Variants in PDE1C observed in about 807,000 individuals in gnomAD.
The protein encoded by PDE1C is dual specificity calcium/calmodulin-dependent 3',5'-cyclic nucleotide phosphodiesterase 1C.
In PDE1C, 62 loss-of-function variants were observed where a neutral mutation model predicts 93.1. That is an observed-to-expected ratio of 0.67 (90% CI 0.54 to 0.82). PDE1C has a LOEUF of 0.82. Ranked by LOEUF, PDE1C falls within the 40% of genes least tolerant of loss-of-function variation. PDE1C has a pLI of 0.00. For missense variants in PDE1C, 742 were observed against 884.6 expected, an observed-to-expected ratio of 0.84 and a Z score of 2.04; for synonymous variants, 325 against 310.1, an observed-to-expected ratio of 1.05 and a Z score of -0.50.
intron 7 of PDE1C, among the ~76,000 whole-genome samples, chr7:31,856,285 T>C (rs895644829): frequency 1.3e-5 from 2 of 152,306 alleles, no homozygotes; most frequent in East Asian, 3.9e-4. Flanking sequence ...AAGCTCACAA[T>C]GAAAGAAGTT....
chr7:31,680,090 A>T, the PDE1C span, among the ~76,000 whole-genome samples: 1 of 152,194 alleles, frequency 6.6e-6, no homozygotes, highest in Non-Finnish European at 1.5e-5. Context: ...CATGTGTCTC[A>T]TCTTTAGTAC....
intron 17 of PDE1C, among the ~76,000 whole-genome samples, chr7:31,767,813 G>C (rs535002389): frequency 1.2e-4 from 19 of 152,240 alleles, no homozygotes; most frequent in African/African-American, 4.6e-4. Context: ...CTGACTTCTT[G>C]TTGTGCCCTC....
exon 2 of PDE1C, chr7:32,209,496 G>A (rs750428626): frequency 1.3e-5 from 21 of 1,573,120 alleles, no homozygotes; most frequent in Non-Finnish European, 1.7e-5. Context: ...CACGAGAGAA[G>A]CGGGCCAGTG....
chr7:31,665,415 T>A, the PDE1C span, among the ~76,000 whole-genome samples: 1 of 152,224 alleles, frequency 6.6e-6, no homozygotes, highest in Non-Finnish European at 1.5e-5. Context: ...GTCAGCCTTA[T>A]GGAAGAGAAA....
chr7:31,855,069 T>TAA lies in PDE1C; in HGVS notation c.751-4330_751-4329dup, dbSNP rs70989615. On this transcript the variant is annotated intron_variant, in intron 7 of 17. Transcript: ENST00000396191. ...GTGACAGAGCGAGACTCCCTCTGTC[T>TAA]AAAAAAAAAAAAAAAAAAAAAACTT... Among the ~76,000 whole-genome samples the TAA allele has an allele frequency of 6.2e-4, 66 of 107,030 alleles. 2 individuals are homozygous for TAA. The highest frequency in any genetic ancestry group is 1.7e-3 in the African/African-American group (46 of 27,560). The allele number at this position is 107,030 out of a possible 152,430, so 70.2% of individuals were successfully genotyped here.
At chr7:32,176,875 A>AGTAGGAG (rs1803031441) in intron 2 of PDE1C, among the ~76,000 whole-genome samples, 2 of 152,208 alleles carry the variant, frequency 1.3e-5, no homozygotes, top group Non-Finnish European at 2.9e-5. Context: ...CAGAAAATAC[A>AGTAGGAG]AACAGACAGT....
intron 2 of PDE1C, among the ~76,000 whole-genome samples, chr7:31,896,013 A>G (rs530538280): frequency 6.6e-6 from 1 of 151,810 alleles, no homozygotes; most frequent in Admixed American, 6.6e-5. Flanking sequence ...ATACATACAT[A>G]CATACATACA....
At chr7:32,065,326 T>A (rs1795272405) in intron 1 of PDE1C, among the ~76,000 whole-genome samples, 1 of 152,208 alleles carries the variant, frequency 6.6e-6, no homozygotes, top group Admixed American at 6.5e-5. Flanking sequence ...CTCATCTTTG[T>A]AAAAGGTTTC....
At chr7:31,839,197 C>CATACATACGTATATGTGTGT (rs1562896912) in intron 9 of PDE1C, among the ~76,000 whole-genome samples, 2 of 144,142 alleles carry the variant, frequency 1.4e-5, no homozygotes, top group African/African-American at 5.2e-5. Flanking sequence ...TGTATACATA[C>CATACATACGTATATGTGTGT]ATACATACGT....
At chr7:31,797,893 T>TA (rs1247311551) in intron 16 of PDE1C, among the ~76,000 whole-genome samples, 1 of 151,750 alleles carries the variant, frequency 6.6e-6, no homozygotes, top group African/African-American at 2.4e-5. Context: ...AATGTGTGGC[T>TA]AAAAAACAGG....
intron 1 of PDE1C, among the ~76,000 whole-genome samples, chr7:32,275,665 A>T (rs1811235173): frequency 6.6e-6 from 1 of 152,190 alleles, no homozygotes; most frequent in African/African-American, 2.4e-5. Flanking sequence ...AAACCAAAAA[A>T]AAAAAGCCTT....
intron 8 of PDE1C, 38 bp downstream of exon 8, chr7:31,850,603 C>T (rs1412744818): frequency 3.8e-6 from 5 of 1,319,008 alleles, no homozygotes; most frequent in East Asian, 2.3e-5. Flanking sequence ...TCTCTCTGAC[C>T]CCTCTTGCCT....
At chr7:32,332,452 A>T (rs1783533899) in intron 1 of PDE1C, among the ~76,000 whole-genome samples, 1 of 151,422 alleles carries the variant, frequency 6.6e-6, no homozygotes, top group Non-Finnish European at 1.5e-5. Context: ...CTGATACAAC[A>T]GGTTTTTTTT....
At position 32,393,276 on chromosome 7, in the gene PDE1C, C is replaced by A. The variant is rs1029830809; in HGVS notation, c.310+34546G>T. Among the ~76,000 whole-genome samples the A allele has an allele frequency of 3.9e-5, 6 of 152,088 alleles. 1 individual carries two copies. In the Middle Eastern group the frequency reaches 0.017, roughly 431 times the overall value. On this transcript the variant is annotated intron_variant, in intron 1 of 1. Coordinates refer to the PDE1C transcript ENST00000672256. ...AGTCTGTACAATTAGGCAACAAAAA[C>A]AAATAAAAGCATTCCAGATTGGAAA... is the stretch of plus-strand genomic sequence containing the variant.
chr7:32,231,901 A>C (rs1237294231), intron 1 of PDE1C, among the ~76,000 whole-genome samples: 1 of 151,904 alleles, frequency 6.6e-6, no homozygotes, highest in Non-Finnish European at 1.5e-5. Flanking sequence ...TAAATGTAGG[A>C]AGAGTCTTTG....
At chr7:31,909,486 T>C (rs945248706) in intron 2 of PDE1C, among the ~76,000 whole-genome samples, 2 of 152,090 alleles carry the variant, frequency 1.3e-5, no homozygotes, top group Admixed American at 6.6e-5. Context: ...ACGCACAGCA[T>C]AGAAATATAT....
intron 2 of PDE1C, among the ~76,000 whole-genome samples, chr7:31,942,981 CTA>C (rs1189200091): frequency 6.6e-6 from 1 of 152,102 alleles, no homozygotes; most frequent in Admixed American, 6.6e-5. Context: ...ATATAGATGG[CTA>C]TGACTAGTGG....
At chr7:32,405,108 T>G (rs1785025222) in intron 1 of PDE1C, among the ~76,000 whole-genome samples, 1 of 152,162 alleles carries the variant, frequency 6.6e-6, no homozygotes, top group African/African-American at 2.4e-5. Context: ...CCTCTTCTGT[T>G]GTACAGTATC....
chr7:32,128,184 C>A (rs1799695500), intron 3 of PDE1C, among the ~76,000 whole-genome samples: 1 of 129,656 alleles, frequency 7.7e-6, no homozygotes. Flanking sequence ...TAATTTAGTG[C>A]CTATTGTATG....
Sources: allele counts gnomAD v4.1 joint callset (sites outside exome capture counted in the v4.1 genomes callset), GRCh38; gene constraint gnomAD v4.1.1; transcripts MANE v1.5; gene names NCBI Gene and HGNC (gene_info 2026-07-23, HGNC 2026-07-21).